Variants in LGR4 observed in about 807,000 individuals in gnomAD.
The protein encoded by LGR4 is leucine rich repeat containing G protein-coupled receptor 4, also known as leucine-rich repeat-containing G protein-coupled receptor 4.
Under a neutral mutation model 84.8 loss-of-function variants are expected in LGR4, and 44 were observed. The observed-to-expected ratio is 0.52, with a 90% CI of 0.41 to 0.67. The LOEUF is 0.67. Ranked by LOEUF, LGR4 falls within the 30% of genes least tolerant of loss-of-function variation. LGR4 has a pLI of 0.00. For synonymous variants in LGR4, 429 were observed against 434.3 expected (o/e 0.99, Z 0.15); for missense variants, 1,032 against 1,131.4 (o/e 0.91, Z 1.26).
rs1259981975 is a variant in LGR4 at position 27,366,072 on chromosome 11, A to G, written c.*1795T>C. On this transcript the variant is annotated 3_prime_UTR_variant, in exon 18 of 18. Transcript: ENST00000379214. ...TATCTGTTATTCTAGTTTTTAAATG[A>G]ATAAAATGAAAAGTTTTCAATAACC... is the stretch of plus-strand genomic sequence containing the variant. 2 of 152,678 alleles carry G rather than the reference A, an allele frequency of 1.3e-5. No individual in the cohort carries two copies. Among genetic ancestry groups the G allele is most frequent in the East Asian group, 3.9e-4 (2 of 5,184 alleles). The allele number at this position is 152,678 out of a possible 1,614,324, so 9.5% of individuals were successfully genotyped here.
chr11:27,380,940 A>G lies in LGR4; in HGVS notation c.785T>C (p.Val262Ala), dbSNP rs747543228. Residue 262 changes from valine (V) to alanine (A), a missense_variant, in exon 8 of 18, where the codon GTT becomes GCT. Physicochemically the swap from Val to Ala is moderately conservative, Grantham distance 64. Transcript: ENST00000379214. ...ACCATCAAATGCTCCATCAGGGATA[A>G]CAGAAATAGAATTACTATGAAATCC... Reference protein sequence around the residue: ...ELGFHSNSISVIPDGAFDGNP... With the variant: ...ELGFHSNSISAIPDGAFDGNP... 6.5e-7 allele frequency: 1 copy of G among 1,548,754 alleles called. No individual in the cohort carries two copies. The highest frequency in any genetic ancestry group is 8.9e-7 in the Non-Finnish European group (1 of 1,120,998).
intron 2 of LGR4, among the ~76,000 whole-genome samples, chr11:27,404,088 C>T (rs2133389152): frequency 6.6e-6 from 1 of 152,230 alleles, no homozygotes; most frequent in East Asian, 1.9e-4. Flanking sequence ...TTGAATCCTG[C>T]TAGTAGAAAA....
chr11:27,398,401 T>C (rs1183273481), intron 2 of LGR4, among the ~76,000 whole-genome samples: 1 of 152,212 alleles, frequency 6.6e-6, no homozygotes, highest in Non-Finnish European at 1.5e-5. Flanking sequence ...ATTGGTGTTA[T>C]TTCTCTGAGA....
At chr11:27,457,049 T>G (rs1452998736) in intron 1 of LGR4, among the ~76,000 whole-genome samples, 2 of 152,170 alleles carry the variant, frequency 1.3e-5, no homozygotes, top group African/African-American at 4.8e-5. Context: ...ACTACAGGGA[T>G]GAGCAAACTT....
chr11:27,368,906 G>C lies in LGR4; in HGVS notation c.1817C>G (p.Ala606Gly), dbSNP rs1862828458. 5.6e-6 allele frequency: 9 copies of C among 1,614,004 alleles called. No individual in the cohort carries two copies. Among genetic ancestry groups the C allele is most frequent in the Non-Finnish European group, 7.6e-6 (9 of 1,180,026 alleles). ...AGTTTCCCACCAAATGCCAAATTCA[G>C]CGAATCTGCCCCAGGACACAGCATC... ...FLDAVSWGRF[A>G]EFGIWWETGS... Residue 606 changes from alanine (A) to glycine (G), a missense_variant, in exon 18 of 18, where the codon GCT becomes GGT. Transcript: ENST00000379214.
chr11:27,447,048 G>A (rs111909661), intron 1 of LGR4, among the ~76,000 whole-genome samples: 1 of 151,022 alleles, frequency 6.6e-6, no homozygotes, highest in Non-Finnish European at 1.5e-5. Flanking sequence ...GGTCAGGGGA[G>A]GGGGGAGGGA....
intron 1 of LGR4, among the ~76,000 whole-genome samples, chr11:27,465,750 A>T (rs1416471108): frequency 6.6e-6 from 1 of 152,230 alleles, no homozygotes; most frequent in Non-Finnish European, 1.5e-5. Flanking sequence ...TAGACAATAG[A>T]GTTGACACCT....
intron 1 of LGR4, among the ~76,000 whole-genome samples, chr11:27,440,384 C>T (rs927549337): frequency 6.6e-6 from 1 of 152,112 alleles, no homozygotes; most frequent in Non-Finnish European, 1.5e-5. Flanking sequence ...CATGTCATCT[C>T]GAGTTTTCTA....
At chr11:27,399,453 G>C (rs775431093) in intron 2 of LGR4, among the ~76,000 whole-genome samples, 1 of 151,992 alleles carries the variant, frequency 6.6e-6, no homozygotes, top group Non-Finnish European at 1.5e-5. Flanking sequence ...CAGGATGTGA[G>C]TGACATTCTT....
chr11:27,463,188 G>C (rs34675297), intron 1 of LGR4, among the ~76,000 whole-genome samples: 1 of 151,664 alleles, frequency 6.6e-6, no homozygotes, highest in East Asian at 1.9e-4. Context: ...GGAGGTTGAG[G>C]CTGCAGTGAG....
chr11:27,388,891 T>A (rs1387895117), intron 4 of LGR4, among the ~76,000 whole-genome samples: 1 of 152,152 alleles, frequency 6.6e-6, no homozygotes, highest in Non-Finnish European at 1.5e-5. Flanking sequence ...AATTATGACA[T>A]GTCATTTTAA....
intron 1 of LGR4, among the ~76,000 whole-genome samples, chr11:27,420,721 A>G (rs1236159520): frequency 6.6e-6 from 1 of 152,118 alleles, no homozygotes; most frequent in Non-Finnish European, 1.5e-5. Flanking sequence ...GGTTCATACT[A>G]AAAGAAAAAA....
chr11:27,412,091 T>C (rs559089842), intron 2 of LGR4, among the ~76,000 whole-genome samples: 2 of 152,262 alleles, frequency 1.3e-5, no homozygotes, highest in African/African-American at 4.8e-5. Flanking sequence ...ATATAATATA[T>C]AGTTCCCAAT....
At chr11:27,404,437 A>G (rs985283636) in intron 2 of LGR4, among the ~76,000 whole-genome samples, 1 of 152,196 alleles carries the variant, frequency 6.6e-6, no homozygotes, top group Admixed American at 6.5e-5. Context: ...AGGGCTTACG[A>G]TTCTTCAATA....
At chr11:27,432,560 T>C (rs946676895) in intron 1 of LGR4, among the ~76,000 whole-genome samples, 6 of 152,022 alleles carry the variant, frequency 3.9e-5, no homozygotes, top group African/African-American at 1.2e-4. Context: ...GGAAGAACAA[T>C]TGACATATAA....
intron 2 of LGR4, among the ~76,000 whole-genome samples, chr11:27,396,381 C>T (rs1270600387): frequency 6.6e-6 from 1 of 152,172 alleles, no homozygotes; most frequent in Non-Finnish European, 1.5e-5. Flanking sequence ...AAGTTCCTAA[C>T]AGACCTACAG....
At chr11:27,401,757 C>T (rs1382286429) in intron 2 of LGR4, among the ~76,000 whole-genome samples, 1 of 152,074 alleles carries the variant, frequency 6.6e-6, no homozygotes, top group Admixed American at 6.5e-5. Flanking sequence ...TTGTCTTAAC[C>T]CCTCCCTCAA....
At chr11:27,390,950 A>T (rs1202961226) in intron 4 of LGR4, 144 bp downstream of exon 4, 2 of 540,978 alleles carry the variant, frequency 3.7e-6, no homozygotes, top group Admixed American at 7.1e-5. Flanking sequence ...TCACCAAAGG[A>T]CGTTTTGATA....
chr11:27,445,440 C>T (rs1198577884), intron 1 of LGR4, among the ~76,000 whole-genome samples: 3 of 152,196 alleles, frequency 2.0e-5, no homozygotes, highest in Non-Finnish European at 4.4e-5. Context: ...ACCTCTTATA[C>T]AGCTGTTATG....
Sources: allele counts gnomAD v4.1 joint callset (sites outside exome capture counted in the v4.1 genomes callset), GRCh38; gene constraint gnomAD v4.1.1; transcripts MANE v1.5; gene names NCBI Gene and HGNC (gene_info 2026-07-23, HGNC 2026-07-21).